Variants in CSGALNACT2 observed in about 807,000 individuals in gnomAD.
CSGALNACT2 encodes the protein beta 4 GalNAcT-2.
CSGALNACT2 carries 35 observed loss-of-function variants against 55.3 expected under a neutral mutation model. That is an observed-to-expected ratio of 0.63 (90% CI 0.48 to 0.84). The LOEUF is 0.84. Ranked by LOEUF, CSGALNACT2 falls within the 40% of genes least tolerant of loss-of-function variation. CSGALNACT2 has a pLI of 0.00. For synonymous variants in CSGALNACT2, 196 were observed against 224.9 expected, an observed-to-expected ratio of 0.87 and a Z score of 1.15; for missense variants, 544 against 657.5, an observed-to-expected ratio of 0.83 and a Z score of 1.89.
chr10:43,141,692 A>T (rs376533283), intron 1 of CSGALNACT2, among the ~76,000 whole-genome samples: 2 of 151,714 alleles, frequency 1.3e-5, no homozygotes, highest in Admixed American at 1.3e-4. Flanking sequence ...AAGTAGATCT[A>T]GAAGAGTCAA....
Position 43,155,865 on chromosome 10 carries a change from T to C in CSGALNACT2, c.661+55T>C, listed in dbSNP as rs370758517. Reference sequence around the variant, plus strand: ...ATGTTAGTAAGACAAATGCTAGTATTGTATGCTGGTATTGTATTGTAGTAT... The same window carrying C: ...ATGTTAGTAAGACAAATGCTAGTATCGTATGCTGGTATTGTATTGTAGTAT... On this transcript the variant is annotated intron_variant, in intron 2 of 7. Coordinates refer to ENST00000374466, the MANE Select transcript of CSGALNACT2 (RefSeq NM_018590.5). 20 of 1,376,420 alleles carry C rather than the reference T, an allele frequency of 1.5e-5. 1 individual carries two copies. The highest frequency in any genetic ancestry group is 3.7e-4 in the Middle Eastern group (2 of 5,462). 85.3% of individuals were successfully genotyped at this position (1,376,420 alleles called of 1,614,324 possible).
chr10:43,183,831 T>A lies in CSGALNACT2; in HGVS notation c.*289T>A, dbSNP rs1393060722. The stretch of plus-strand genomic sequence containing the variant: ...TTCTACCTGGTGCCCATGTTCTGAT[T>A]GTGTGTGGGATTGCATGGTGTCCTG... On this transcript the variant is annotated 3_prime_UTR_variant, in exon 8 of 8. Transcript: ENST00000374466. 2 of 411,356 alleles carry A rather than the reference T, an allele frequency of 4.9e-6. No homozygotes were observed. Among genetic ancestry groups the A allele is most frequent in the African/African-American group, 4.0e-5 (2 of 49,452 alleles). The allele number at this position is 411,356 out of a possible 1,614,324, so 25.5% of individuals were successfully genotyped here.
intron 1 of CSGALNACT2, among the ~76,000 whole-genome samples, chr10:43,143,570 A>G (rs547928434): frequency 7.3e-5 from 11 of 151,508 alleles, no homozygotes; most frequent in African/African-American, 2.2e-4. Context: ...ATATCTTGGA[A>G]GGAACATTGA....
intron 6 of CSGALNACT2, among the ~76,000 whole-genome samples, chr10:43,174,308 T>A (rs1243758307): frequency 6.6e-6 from 1 of 152,162 alleles, no homozygotes; most frequent in East Asian, 1.9e-4. Context: ...TCCTGTTGAT[T>A]CTCCTATTCT....
chr10:43,142,012 G>A (rs1413222685), intron 1 of CSGALNACT2, among the ~76,000 whole-genome samples: 1 of 152,096 alleles, frequency 6.6e-6, no homozygotes, highest in Admixed American at 6.5e-5. Flanking sequence ...AAGGGATTGG[G>A]GTTGTGTGCC....
chr10:43,153,102 C>A (rs1383576235), intron 1 of CSGALNACT2, among the ~76,000 whole-genome samples: 5 of 151,998 alleles, frequency 3.3e-5, no homozygotes, highest in Non-Finnish European at 7.4e-5. Flanking sequence ...CTAATCCCAG[C>A]ACTTTGGGAG....
At position 43,160,545 on chromosome 10, in the gene CSGALNACT2, T is replaced by C. The variant is rs1188741382; in HGVS notation, c.930T>C (p.Phe310=). The change falls in exon 4 of 8, where the codon TTT becomes TTC. Residue 310 remains phenylalanine (F), a synonymous_variant. Transcript: ENST00000374466. ...AGATTCATCTCACAGTGGTGTATTT[T>C]GGTAAAGAAGGACTGTCTAAAGTCA... is the stretch of plus-strand genomic sequence containing the variant. ...DKKIHLTVVY[F]GKEGLSKVKS... The C allele has an allele frequency of 1.9e-6, 3 of 1,598,430 alleles. No homozygotes were observed. The highest frequency in any genetic ancestry group is 2.6e-6 in the Non-Finnish European group (3 of 1,166,652).
intron 4 of CSGALNACT2, chr10:43,162,546 G>T: frequency 1.0e-6 from 1 of 985,420 alleles, no homozygotes; most frequent in Non-Finnish European, 1.2e-6. Context: ...TCCTTAAGAC[G>T]GGGAGAAGAG....
rs1839347399 is a variant in CSGALNACT2, at chr10:43,169,734, G to A, written c.1254+2636G>A. 2.6e-5 allele frequency among the ~76,000 whole-genome samples: 4 copies of A among 152,144 alleles called. No individual in the cohort carries two copies. In the South Asian group the frequency reaches 8.3e-4, roughly 31 times the overall value. On this transcript the variant is annotated intron_variant, in intron 6 of 7. Transcript: ENST00000374466. ...GCAGAAACAAATCTTCTGGTGTTTG[G>A]AGAACAACAGTAAAAGGACAATTCT...
chr10:43,181,353 G>A lies in CSGALNACT2; in HGVS notation c.1337-1897G>A, dbSNP rs377616077. ...CTTCTCTGTGAGAGACCTAAGAGGA[G>A]TTGTTGCTTTTTCAGTGTTCAGCTT... On this transcript the variant is annotated intron_variant, in intron 7 of 7. Transcript: ENST00000374466. Among the ~76,000 whole-genome samples the A allele has an allele frequency of 3.9e-5, 6 of 152,334 alleles. No homozygotes were observed. The East Asian group carries it at 1.2e-3, about 29-fold the overall frequency.
In CSGALNACT2 at chr10:43,169,850, A is replaced by G. The variant is rs555644540; in HGVS notation, c.1254+2752A>G. On this transcript the variant is annotated intron_variant, in intron 6 of 7. Coordinates refer to ENST00000374466, the MANE Select transcript of CSGALNACT2 (RefSeq NM_018590.5). ...TGGCATTCGTCTTCTTTTTGAAAAC[A>G]CTGGTGTTAGAAAACAATAAAGCAA... Among the ~76,000 whole-genome samples, 19 of 152,344 alleles carry G rather than the reference A, an allele frequency of 1.2e-4. No homozygotes were observed. In the South Asian group the frequency reaches 3.9e-3, roughly 32 times the overall value.
chr10:43,153,313 C>T lies in CSGALNACT2; in HGVS notation c.-253-1584C>T, dbSNP rs183290739. Among the ~76,000 whole-genome samples the T allele has an allele frequency of 5.1e-3, 525 of 102,138 alleles. 2 individuals carry two copies. Among genetic ancestry groups the T allele is most frequent in the African/African-American group, 0.02 (470 of 22,964 alleles). 67.0% of individuals were successfully genotyped at this position (102,138 alleles called of 152,430 possible). On this transcript the variant is annotated intron_variant, in intron 1 of 7. Transcript: ENST00000374466. ...TCGCGCCACTGCACTGCAGCCTGGG[C>T]GACAGAGCAAGACTCTGTCTCAAAA...
At chr10:43,139,803 A>G (rs1838578698) in intron 1 of CSGALNACT2, among the ~76,000 whole-genome samples, 1 of 152,242 alleles carries the variant, frequency 6.6e-6, no homozygotes, top group African/African-American at 2.4e-5. Flanking sequence ...ATGGTATTGT[A>G]TTATTACTGT....
At chr10:43,177,149 G>C (rs1839496179) in intron 7 of CSGALNACT2, among the ~76,000 whole-genome samples, 1 of 152,144 alleles carries the variant, frequency 6.6e-6, no homozygotes, top group Non-Finnish European at 1.5e-5. Flanking sequence ...AAATTAAACT[G>C]ATGCTCTTTT....
rs1369362635 is a variant in CSGALNACT2, at chr10:43,184,733, T to C, written c.*1191T>C. 1 of 152,186 alleles carries C rather than the reference T, an allele frequency of 6.6e-6. No homozygotes were observed. The highest frequency in any genetic ancestry group is 6.5e-5 in the Admixed American group (1 of 15,278). 9.4% of individuals were successfully genotyped at this position (152,186 alleles called of 1,614,324 possible). A position where few individuals can be genotyped will look rare whatever the true frequency, so the allele number is the denominator to read the frequency against. On this transcript the variant is annotated 3_prime_UTR_variant, in exon 8 of 8. Coordinates refer to ENST00000374466, the MANE Select transcript of CSGALNACT2 (RefSeq NM_018590.5). ...AAGTGAAAAAGAAATTATATTCAGA[T>C]AGGACTGCACTACATTATTTGTCAC...
chr10:43,148,345 T>C (rs1838805318), intron 1 of CSGALNACT2, among the ~76,000 whole-genome samples: 1 of 152,200 alleles, frequency 6.6e-6, no homozygotes, highest in African/African-American at 2.4e-5. Flanking sequence ...AATTTCATTT[T>C]TCTTGTTCAA....
intron 2 of CSGALNACT2, among the ~76,000 whole-genome samples, chr10:43,158,454 C>T (rs769093070): frequency 9.2e-5 from 14 of 151,854 alleles, no homozygotes; most frequent in Non-Finnish European, 1.8e-4. Flanking sequence ...TTTAAAAAGT[C>T]GTATGTAAAA....
chr10:43,149,541 T>G (rs1318173240), intron 1 of CSGALNACT2, among the ~76,000 whole-genome samples: 2 of 152,260 alleles, frequency 1.3e-5, no homozygotes, highest in African/African-American at 4.8e-5. Context: ...AGTCCTGGGA[T>G]AAATCTTATT....
At chr10:43,181,201 T>A (rs1246756016) in intron 7 of CSGALNACT2, among the ~76,000 whole-genome samples, 1 of 152,224 alleles carries the variant, frequency 6.6e-6, no homozygotes, top group Admixed American at 6.5e-5. Flanking sequence ...ATTTGTCGAT[T>A]ACAGTTAGGG....
Sources: gnomAD v4.1 joint callset for allele counts (sites outside exome capture counted in the v4.1 genomes callset) on GRCh38, gnomAD v4.1.1 for gene constraint, MANE v1.5 for transcripts, NCBI Gene and HGNC (gene_info 2026-07-23, HGNC 2026-07-21) for gene names.